The following ITFG1 variants were observed in gnomAD, a reference collection of about 807,000 sequenced individuals.
The protein encoded by ITFG1 is integrin alpha FG-GAP repeat containing 1.
ITFG1 carries 34 observed loss-of-function variants against 81.8 expected under a neutral mutation model. The ratio of observed to expected loss-of-function variants is 0.42; its 90% CI spans 0.32 to 0.55. The LOEUF is 0.55. Among genes scored for constraint, ITFG1 ranks in the 20% least tolerant of loss-of-function variants. The pLI is 0.17. For synonymous variants in ITFG1, 285 were observed against 270.6 expected (o/e 1.05, Z -0.52); for missense variants, 672 against 755.4 (o/e 0.89, Z 1.29).
intron 10 of ITFG1, among the ~76,000 whole-genome samples, chr16:47,293,173 C>CAT (rs936050714): frequency 7.0e-6 from 1 of 143,678 alleles, no homozygotes; most frequent in African/African-American, 2.6e-5. Flanking sequence ...TAATATATAT[C>CAT]ATATACAAAT....
At chr16:47,184,663 G>A (rs956089833) in intron 14 of ITFG1, among the ~76,000 whole-genome samples, 6 of 151,928 alleles carry the variant, frequency 3.9e-5, no homozygotes, top group Non-Finnish European at 7.4e-5. Context: ...GGTACCAGCC[G>A]CTGCAAAATC....
chr16:47,399,309 T>C (rs562984297), intron 6 of ITFG1, among the ~76,000 whole-genome samples: 40 of 152,286 alleles, frequency 2.6e-4, no homozygotes, highest in East Asian at 2.3e-3. Context: ...TGCAGTGGCT[T>C]ACGCCTGTAA....
chr16:47,243,642 G>C (rs1965963578), intron 12 of ITFG1, among the ~76,000 whole-genome samples: 1 of 152,160 alleles, frequency 6.6e-6, no homozygotes, highest in South Asian at 2.1e-4. Context: ...GGAGGTATCA[G>C]AAGAATGAGG....
chr16:47,234,180 T>C lies in ITFG1; in HGVS notation c.1374+3785A>G, dbSNP rs181914106. The stretch of plus-strand genomic sequence containing the variant: ...GAAGTATCAAAACAAGACTTATATA[T>C]AGCAGGCATTTTGGAATGATCAGAC... On this transcript the variant is annotated intron_variant, in intron 13 of 17. Coordinates refer to ENST00000320640, the MANE Select transcript of ITFG1 (RefSeq NM_030790.5). Among the ~76,000 whole-genome samples the C allele has an allele frequency of 3.9e-5, 6 of 152,302 alleles. No homozygotes were observed. The East Asian group carries it at 1.2e-3, about 29-fold the overall frequency.
chr16:47,271,098 T>C (rs950790872), intron 10 of ITFG1, among the ~76,000 whole-genome samples: 12 of 152,192 alleles, frequency 7.9e-5, no homozygotes, highest in Admixed American at 7.2e-4. Flanking sequence ...ACTCTCATGA[T>C]AAAAGCACAA....
At position 47,301,545 on chromosome 16, in the gene ITFG1, T is replaced by C. The variant is rs971618293; in HGVS notation, c.1070+9695A>G. On this transcript the variant is annotated intron_variant, in intron 10 of 17. Transcript: ENST00000320640. ...CCGAGTAGGTGGGACTACAGGCGCC[T>C]GCCACCATGCCAGCTAATTTTTGCA... 2.2e-4 allele frequency among the ~76,000 whole-genome samples: 34 copies of C among 151,952 alleles called. 1 individual carries two copies. The highest frequency in any genetic ancestry group is 2.5e-4 in the Non-Finnish European group (17 of 67,974).
At chr16:47,268,493 T>C (rs1363745327) in intron 10 of ITFG1, among the ~76,000 whole-genome samples, 6 of 152,174 alleles carry the variant, frequency 3.9e-5, no homozygotes, top group Non-Finnish European at 8.8e-5. Context: ...AAGACATACT[T>C]CCCAACTCAT....
At chr16:47,414,270 TA>T (rs1968846575) in intron 6 of ITFG1, among the ~76,000 whole-genome samples, 1 of 151,786 alleles carries the variant, frequency 6.6e-6, no homozygotes, top group Non-Finnish European at 1.5e-5. Context: ...TTTTTTTTTT[TA>T]TCCCAGTTCT....
intron 12 of ITFG1, among the ~76,000 whole-genome samples, chr16:47,244,591 TTGTGTGTGTGTGTGTGTGTGTGTG>T (rs57470225): frequency 0.03 from 3,526 of 118,218 alleles, 79 homozygotes; most frequent in Non-Finnish European, 0.044. Flanking sequence ...ATTCCATCTT[TTGTGTGTGTGTGTGTGTGTGTGTG>T]TGTGTGTGTG....
chr16:47,286,368 G>A (rs757823733), intron 10 of ITFG1, among the ~76,000 whole-genome samples: 2 of 151,926 alleles, frequency 1.3e-5, no homozygotes, highest in African/African-American at 4.8e-5. Flanking sequence ...GGCTGGGCGC[G>A]GTGGCTCACA....
chr16:47,434,066 G>A (rs976630005), intron 5 of ITFG1, among the ~76,000 whole-genome samples: 1 of 150,580 alleles, frequency 6.6e-6, no homozygotes, highest in Non-Finnish European at 1.5e-5. Context: ...ACTCAAGATG[G>A]ATTAAAGACT....
At chr16:47,188,628 G>A (rs1965255064) in intron 14 of ITFG1, among the ~76,000 whole-genome samples, 1 of 115,742 alleles carries the variant, frequency 8.6e-6, no homozygotes, top group African/African-American at 3.2e-5. Flanking sequence ...TGGGGGGAGG[G>A]GGGAGGGGGG....
At chr16:47,444,838 G>C (rs1419873506) in intron 5 of ITFG1, among the ~76,000 whole-genome samples, 1 of 152,026 alleles carries the variant, frequency 6.6e-6, no homozygotes, top group Non-Finnish European at 1.5e-5. Context: ...TTAATGATCT[G>C]TCCTGGGATA....
chr16:47,255,044 G>A (rs962130445), intron 12 of ITFG1, among the ~76,000 whole-genome samples: 1 of 152,074 alleles, frequency 6.6e-6, no homozygotes, highest in Non-Finnish European at 1.5e-5. Flanking sequence ...CCAAGATCGC[G>A]CCACTGCACT....
intron 14 of ITFG1, among the ~76,000 whole-genome samples, chr16:47,191,138 T>G (rs1474060144): frequency 6.6e-6 from 1 of 152,242 alleles, no homozygotes; most frequent in Non-Finnish European, 1.5e-5. Context: ...TGTAGCATTT[T>G]ATACCTGAAT....
chr16:47,294,954 A>G (rs1424210299), intron 10 of ITFG1, among the ~76,000 whole-genome samples: 2 of 151,988 alleles, frequency 1.3e-5, no homozygotes, highest in African/African-American at 2.4e-5. Context: ...TTCGGGGAAG[A>G]GCTTTCAATG....
chr16:47,218,760 A>T (rs1305282895), intron 14 of ITFG1, 108 bp downstream of exon 14: 1 of 498,468 alleles, frequency 2.0e-6, no homozygotes, highest in Non-Finnish European at 3.4e-6. Context: ...AATAAAAGTG[A>T]AGATGTTATT....
intron 8 of ITFG1, among the ~76,000 whole-genome samples, chr16:47,345,434 G>A (rs1157152569): frequency 1.3e-5 from 2 of 151,986 alleles, no homozygotes; most frequent in East Asian, 1.9e-4. Flanking sequence ...CTGAGTAGCT[G>A]GGATTACAGA....
At chr16:47,414,634 A>C (rs1294558426) in intron 6 of ITFG1, among the ~76,000 whole-genome samples, 2 of 152,214 alleles carry the variant, frequency 1.3e-5, no homozygotes, top group Non-Finnish European at 2.9e-5. Flanking sequence ...CAATATACTA[A>C]TAAATCTGAA....
Sources: gnomAD v4.1 joint callset for allele counts (sites outside exome capture counted in the v4.1 genomes callset) on GRCh38, gnomAD v4.1.1 for gene constraint, MANE v1.5 for transcripts, NCBI Gene and HGNC (gene_info 2026-07-23, HGNC 2026-07-21) for gene names.